The following DMXL2 variants were observed in gnomAD, a reference collection of about 807,000 sequenced individuals.
DMXL2 encodes Dmx like 2, also known as dmX-like protein 2.
Under a neutral mutation model 331.1 loss-of-function variants are expected in DMXL2, and 103 were observed. That is an observed-to-expected ratio of 0.31 (90% confidence interval 0.27 to 0.37). The LOEUF is 0.37. Among genes scored for constraint, DMXL2 ranks in the 10% least tolerant of loss-of-function variants. DMXL2 has a pLI of 1.00. For synonymous variants in DMXL2, 1,281 were observed against 1,252.1 expected (o/e 1.02, Z -0.49); for missense variants, 3,171 against 3,642.9 (o/e 0.87, Z 3.33).
At chr15:51,521,452 AGTAGTAGTAGTGGTAGTG>A (rs1268007797) in intron 13 of DMXL2, among the ~76,000 whole-genome samples, 15 of 117,362 alleles carry the variant, frequency 1.3e-4, no homozygotes, top group African/African-American at 4.3e-4. Flanking sequence ...TAGTAGTAGT[AGTAGTAGTAGTGGTAGTG>A]GTAGTAGTAG....
At chr15:51,482,634 T>A (rs1473596913) in intron 23 of DMXL2, among the ~76,000 whole-genome samples, 6 of 152,222 alleles carry the variant, frequency 3.9e-5, no homozygotes, top group Admixed American at 3.9e-4. Flanking sequence ...GGAATGGTCA[T>A]TTCCAGGTCT....
chr15:51,585,434 G>C (rs372646793), intron 1 of DMXL2, among the ~76,000 whole-genome samples: 91 of 152,256 alleles, frequency 6.0e-4, no homozygotes, highest in African/African-American at 2.1e-3. Flanking sequence ...CTTCTTAATA[G>C]CTGCACAGTA....
At position 51,547,171 on chromosome 15, in the gene DMXL2, C is replaced by T. The variant is rs2048933998; in HGVS notation, c.746+59G>A. The T allele has an allele frequency of 5.6e-6, 8 of 1,419,706 alleles. No individual in the cohort carries two copies. The South Asian group carries it at 1.2e-4, about 22-fold the overall frequency. The allele number at this position is 1,419,706 out of a possible 1,614,324, so 87.9% of individuals were successfully genotyped here. A position where few individuals can be genotyped will look rare whatever the true frequency, so the allele number is the denominator to read the frequency against. ...CATGTAAATAAAAGGACTTTATTTT[C>T]ATTATTTTTATAAACATTTAAGGAT... On this transcript the variant is annotated intron_variant, in intron 7 of 43. Transcript: ENST00000560891.
In DMXL2 at chr15:51,448,622, C is replaced by G. The variant is rs1338308854; in HGVS notation, c.*362G>C. 5 of 296,410 alleles carry G rather than the reference C, an allele frequency of 1.7e-5. No homozygotes were observed. The Admixed American group carries it at 2.3e-4, about 14-fold the overall frequency. The allele number at this position is 296,410 out of a possible 1,614,324, so 18.4% of individuals were successfully genotyped here. The stretch of plus-strand genomic sequence containing the variant: ...GGCATGCTTCAGTCAGTGGTAAGAA[C>G]AGGAAGAAAAACCCAAATCAGCAAC... On this transcript the variant is annotated 3_prime_UTR_variant, in exon 44 of 44. Coordinates refer to ENST00000560891, the MANE Select transcript of DMXL2 (RefSeq NM_001378457.1).
At chr15:51,451,554 C>A in intron 42 of DMXL2, 91 bp downstream of exon 42, 1 of 1,004,968 alleles carries the variant, frequency 1.0e-6, no homozygotes, top group Non-Finnish European at 1.5e-6. Flanking sequence ...TAAACACTCA[C>A]TGGATTCACT....
At chr15:51,617,271 G>A (rs1280669983) in intron 1 of DMXL2, among the ~76,000 whole-genome samples, 1 of 152,192 alleles carries the variant, frequency 6.6e-6, no homozygotes, top group African/African-American at 2.4e-5. Flanking sequence ...CACGGGAAAA[G>A]GAAAGCTGCG....
intron 8 of DMXL2, among the ~76,000 whole-genome samples, chr15:51,543,401 T>C (rs1022067864): frequency 6.6e-6 from 1 of 152,208 alleles, no homozygotes; most frequent in Non-Finnish European, 1.5e-5. Context: ...ATTTTGCATA[T>C]GGAAAACAGT....
intron 1 of DMXL2, among the ~76,000 whole-genome samples, chr15:51,586,443 T>C (rs2051832515): frequency 6.6e-6 from 1 of 152,144 alleles, no homozygotes; most frequent in Non-Finnish European, 1.5e-5. Flanking sequence ...TTCTAAGCGT[T>C]TATGAGTAAG....
intron 18 of DMXL2, among the ~76,000 whole-genome samples, chr15:51,495,782 T>C (rs1341073840): frequency 1.3e-5 from 2 of 151,942 alleles, no homozygotes; most frequent in South Asian, 2.1e-4. Context: ...AGACAGCACC[T>C]AGCCCAATAA....
chr15:51,543,113 A>G (rs1234621579), intron 8 of DMXL2, among the ~76,000 whole-genome samples: 1 of 152,196 alleles, frequency 6.6e-6, no homozygotes, highest in African/African-American at 2.4e-5. Context: ...AATCTATATG[A>G]TTAAAATTCT....
intron 1 of DMXL2, among the ~76,000 whole-genome samples, chr15:51,618,656 T>C (rs2054440653): frequency 6.6e-6 from 1 of 152,218 alleles, no homozygotes; most frequent in Non-Finnish European, 1.5e-5. Flanking sequence ...GAGTGTCTGT[T>C]ATTTAATGAA....
At chr15:51,513,852 G>A (rs1049532368) in intron 15 of DMXL2, among the ~76,000 whole-genome samples, 5 of 152,016 alleles carry the variant, frequency 3.3e-5, no homozygotes, top group Non-Finnish European at 7.4e-5. Flanking sequence ...TTAAATAAAA[G>A]TTTAACGTCT....
chr15:51,580,799 C>CA (rs922416616), intron 1 of DMXL2, among the ~76,000 whole-genome samples: 22 of 150,910 alleles, frequency 1.5e-4, no homozygotes, highest in African/African-American at 4.2e-4. Context: ...CTGTTACATC[C>CA]AAAAAAAACT....
At chr15:51,456,262 A>C in intron 38 of DMXL2, 47 bp downstream of exon 38, 1 of 1,597,910 alleles carries the variant, frequency 6.3e-7, no homozygotes. Context: ...TCTATAAATC[A>C]ACCTCCAAAT....
rs757578975 is a variant in DMXL2 at position 51,495,186 on chromosome 15, CA to C, written c.4673-53del. The C allele has an allele frequency of 3.6e-5, 41 of 1,128,664 alleles. No individual in the cohort carries two copies. The African/African-American group carries it at 4.8e-4, about 13-fold the overall frequency. 69.9% of individuals were successfully genotyped at this position (1,128,664 alleles called of 1,614,324 possible). On this transcript the variant is annotated intron_variant, in intron 18 of 43. Coordinates refer to ENST00000560891, the MANE Select transcript of DMXL2 (RefSeq NM_001378457.1). ...AAGGAAAAAAGAATGCAAGAGGCCACAAACTGATAAGCTATAAAACAAACAT... is the reference window on the plus strand; with the variant it reads ...AAGGAAAAAAGAATGCAAGAGGCCACAACTGATAAGCTATAAAACAAACAT...
At chr15:51,614,025 G>A (rs543569438) in intron 1 of DMXL2, among the ~76,000 whole-genome samples, 17 of 152,254 alleles carry the variant, frequency 1.1e-4, no homozygotes, top group South Asian at 2.1e-4. Context: ...AACTACCAAC[G>A]TGACTGTGTT....
intron 16 of DMXL2, among the ~76,000 whole-genome samples, chr15:51,506,084 GA>G (rs2046379784): frequency 1.3e-5 from 2 of 152,128 alleles, no homozygotes; most frequent in South Asian, 2.1e-4. Flanking sequence ...TTTTGAAATG[GA>G]AAAATTGACA....
chr15:51,571,528 A>G (rs557611028), intron 2 of DMXL2, among the ~76,000 whole-genome samples: 30 of 152,278 alleles, frequency 2.0e-4, no homozygotes, highest in African/African-American at 7.2e-4. Context: ...TGACCACATA[A>G]TTGGAAGTAA....
chr15:51,588,961 G>C (rs775135113), intron 1 of DMXL2, among the ~76,000 whole-genome samples: 29 of 152,282 alleles, frequency 1.9e-4, no homozygotes, highest in Middle Eastern at 3.4e-3. Context: ...AAATAATCCA[G>C]TGTGCACTAT....
Sources: gnomAD v4.1 joint callset for allele counts (sites outside exome capture counted in the v4.1 genomes callset) on GRCh38, gnomAD v4.1.1 for gene constraint, MANE v1.5 for transcripts, NCBI Gene and HGNC (gene_info 2026-07-23, HGNC 2026-07-21) for gene names.